Variants in PYM1 observed in about 807,000 individuals in gnomAD.
The protein encoded by PYM1 is PYM1 exon junction complex associated factor, also known as partner of Y14 and mago.
Under a neutral mutation model 20.7 loss-of-function variants are expected in PYM1, and 7 were observed. The observed-to-expected ratio is 0.34, with a 90% CI of 0.19 to 0.64. PYM1 has a LOEUF of 0.64. Ranked by LOEUF, PYM1 falls within the 30% of genes least tolerant of loss-of-function variation. The pLI, the probability that PYM1 is intolerant of heterozygous loss-of-function variation, is 0.74. For missense variants in PYM1, 194 were observed against 250.0 expected, an observed-to-expected ratio of 0.78 and a Z score of 1.51; for synonymous variants, 100 against 99.2, an observed-to-expected ratio of 1.01 and a Z score of -0.05.
At chr12:55,908,141 G>A (rs894976227) in intron 1 of PYM1, among the ~76,000 whole-genome samples, 1 of 151,952 alleles carries the variant, frequency 6.6e-6, no homozygotes, top group African/African-American at 2.4e-5. Context: ...TACTTGGGAG[G>A]GTAAGGCAGG....
At chr12:55,902,396 T>C in intron 2 of PYM1, 41 bp from the exon 3 acceptor site, 2 of 1,562,414 alleles carry the variant, frequency 1.3e-6, no homozygotes, top group South Asian at 2.4e-5. Context: ...AGAGAATTAC[T>C]GACTTTTTGA....
At chr12:55,914,188 A>G (rs1251952031) in intron 1 of PYM1, 5 of 659,696 alleles carry the variant, frequency 7.6e-6, no homozygotes, top group Non-Finnish European at 1.4e-5. Flanking sequence ...GATAGACTGT[A>G]ATGAAAGGCA....
intron 2 of PYM1, among the ~76,000 whole-genome samples, chr12:55,903,064 T>C (rs1161893483): frequency 6.6e-6 from 1 of 152,216 alleles, no homozygotes; most frequent in African/African-American, 2.4e-5. Context: ...ATTACAGATG[T>C]AGGCCACTGG....
chr12:55,915,619 A>G (rs1006100915), intron 1 of PYM1, among the ~76,000 whole-genome samples: 2 of 152,056 alleles, frequency 1.3e-5, no homozygotes, highest in Non-Finnish European at 2.9e-5. Flanking sequence ...TAGGGTTATC[A>G]AGATGAGTAA....
At chr12:55,913,152 T>C (rs1341736457) in intron 1 of PYM1, among the ~76,000 whole-genome samples, 1 of 152,198 alleles carries the variant, frequency 6.6e-6, no homozygotes, top group Non-Finnish European at 1.5e-5. Flanking sequence ...CCTTCCTGAC[T>C]TCCTTACGCC....
intron 1 of PYM1, among the ~76,000 whole-genome samples, chr12:55,924,739 C>T (rs558507554): frequency 2.8e-4 from 42 of 152,236 alleles, no homozygotes; most frequent in African/African-American, 9.1e-4. Flanking sequence ...TGCAGTGGTG[C>T]GAACTCAGCT....
chr12:55,923,887 C>T (rs1883142735), intron 1 of PYM1, among the ~76,000 whole-genome samples: 1 of 151,882 alleles, frequency 6.6e-6, no homozygotes, highest in South Asian at 2.1e-4. Flanking sequence ...GCCAACCTGA[C>T]CAATATGATG....
At chr12:55,904,595 CAAAAAAAAAAAAAA>C (rs57817659) in intron 1 of PYM1, among the ~76,000 whole-genome samples, 2,058 of 67,224 alleles carry the variant, frequency 0.031, 76 homozygotes, top group African/African-American at 0.11. Flanking sequence ...GACTCCATCT[CAAAAAAAAAAAAAA>C]AAAAAAAAAA....
At chr12:55,909,415 A>C (rs915046230) in intron 1 of PYM1, among the ~76,000 whole-genome samples, 4 of 152,238 alleles carry the variant, frequency 2.6e-5, no homozygotes, top group Admixed American at 1.3e-4. Context: ...CTTGAATACC[A>C]GTTAAAGATT....
At chr12:55,914,135 T>G in intron 1 of PYM1, 1 of 516,394 alleles carries the variant, frequency 1.9e-6, no homozygotes, top group South Asian at 3.4e-5. Context: ...TATATTTAAG[T>G]TGATTGCATA....
At chr12:55,903,267 C>T (rs1882727497) in intron 2 of PYM1, 120 bp downstream of exon 2, 9 of 792,394 alleles carry the variant, frequency 1.1e-5, no homozygotes, top group East Asian at 2.5e-5. Flanking sequence ...CAGATAGTTG[C>T]CCCTCCTTCC....
chr12:55,903,357 A>C, intron 2 of PYM1, 30 bp downstream of exon 2: 3 of 1,600,204 alleles, frequency 1.9e-6, no homozygotes, highest in Non-Finnish European at 2.6e-6. Flanking sequence ...ACCCCATCAG[A>C]AAACCCCTAC....
chr12:55,915,119 G>T (rs1882983337), intron 1 of PYM1, among the ~76,000 whole-genome samples: 1 of 144,726 alleles, frequency 6.9e-6, no homozygotes, highest in Non-Finnish European at 1.5e-5. Flanking sequence ...GGAGGCTGAG[G>T]CAAGAGAATC....
intron 1 of PYM1, 111 bp downstream of exon 1, chr12:55,927,614 A>T: frequency 7.2e-7 from 1 of 1,391,276 alleles, no homozygotes; most frequent in Non-Finnish European, 9.8e-7. Context: ...ATCTAACCCT[A>T]AGAAGGTGGG....
At chr12:55,913,254 G>A (rs1336973381) in intron 1 of PYM1, among the ~76,000 whole-genome samples, 1 of 152,194 alleles carries the variant, frequency 6.6e-6, no homozygotes, top group Non-Finnish European at 1.5e-5. Context: ...TTGCTTGTTG[G>A]AAAGCAGAAA....
chr12:55,926,976 A>G (rs1883200866), intron 1 of PYM1: 1 of 1,288,942 alleles, frequency 7.8e-7, no homozygotes, highest in Non-Finnish European at 1.0e-6. Flanking sequence ...GGCGGGGCAA[A>G]GGAGGGGCCC....
intron 1 of PYM1, 38 bp downstream of exon 1, chr12:55,927,687 A>T (rs1449090598): frequency 2.0e-6 from 3 of 1,537,812 alleles, no homozygotes. Flanking sequence ...GACCCGCGGG[A>T]GGGGCGTGCA....
At position 55,901,723 on chromosome 12, in the gene PYM1, C is replaced by A; in HGVS notation, c.*149G>T. 8.7e-7 allele frequency: 1 copy of A among 1,153,002 alleles called. No homozygotes were observed. Among genetic ancestry groups the A allele is most frequent in the Non-Finnish European group, 1.2e-6 (1 of 821,554 alleles). 71.4% of individuals were successfully genotyped at this position (1,153,002 alleles called of 1,614,324 possible). ...GAAAAGGGAAGGATTGAGGGAGACG[C>A]TAGGCTCTGGAGGACAGAGCTGGGC... On this transcript the variant is annotated 3_prime_UTR_variant, in exon 3 of 3. Transcript: ENST00000408946.
intron 1 of PYM1, 58 bp from the exon 2 acceptor site, chr12:55,903,538 G>A: frequency 6.5e-7 from 1 of 1,545,932 alleles, no homozygotes; most frequent in Non-Finnish European, 8.9e-7. Context: ...TTTACAAGAT[G>A]AGACAAGAAT....
Sources: allele counts gnomAD v4.1 joint callset (sites outside exome capture counted in the v4.1 genomes callset), GRCh38; gene constraint gnomAD v4.1.1; transcripts MANE v1.5; gene names NCBI Gene and HGNC (gene_info 2026-07-23, HGNC 2026-07-21).